The following PER1 variants were observed in gnomAD, a reference collection of about 807,000 sequenced individuals.
PER1 encodes the protein period circadian regulator 1.
In PER1, 87 loss-of-function variants were observed where a neutral mutation model predicts 125.9. The ratio of observed to expected loss-of-function variants is 0.69; its 90% CI spans 0.58 to 0.83. The LOEUF (loss-of-function observed/expected upper bound fraction) is 0.83, where lower values mean the gene tolerates loss of function less well. Among genes scored for constraint, PER1 ranks in the 40% least tolerant of loss-of-function variants. PER1 has a pLI of 0.00. For synonymous variants in PER1, 801 were observed against 714.7 expected, an observed-to-expected ratio of 1.12 and a Z score of -1.93; for missense variants, 1,775 against 1,722.8, an observed-to-expected ratio of 1.03 and a Z score of -0.54.
In PER1 at chr17:8,141,120, C is replaced by G; in HGVS notation, c.3821G>C (p.Gly1274Ala). 5 of 1,614,166 alleles carry G rather than the reference C, an allele frequency of 3.1e-6. No homozygotes were observed. Among genetic ancestry groups the G allele is most frequent in the Non-Finnish European group, 4.2e-6 (5 of 1,179,998 alleles). Reference protein sequence around the residue: ...QDLAMEEEEEGRSSSSPALPT... With the variant: ...QDLAMEEEEEARSSSSPALPT... ...TAAGGCTGGACTGGATGAGCTCCTG[C>G]CTTCTTCCTCCTCCTCCATAGCCAA... is the stretch of plus-strand genomic sequence containing the variant. The change falls in exon 23 of 23, where the codon GGC (glycine) becomes GCC (alanine). Residue 1274 changes from glycine (G) to alanine (A), a missense_variant. Transcript: ENST00000317276.
Position 8,149,973 on chromosome 17 carries a change from T to C in PER1, c.527A>G (p.Gln176Arg). 6.2e-7 allele frequency: 1 copy of C among 1,613,406 alleles called. No individual in the cohort carries two copies. Among genetic ancestry groups the C allele is most frequent in the Non-Finnish European group, 8.5e-7 (1 of 1,179,394 alleles). Residue 176 changes from glutamine to arginine, a missense_variant and splice_region_variant, in exon 4 of 23, where the codon CAG becomes CGG. By Grantham distance (43) the Gln-to-Arg change is conservative. Coordinates refer to ENST00000317276, the MANE Select transcript of PER1 (RefSeq NM_002616.3). ...CCCTCTTGGGACACACCACTTACCC[T>C]GCACCTGCTTGACACAGGCCAGTGC... ...QYALACVKQV[Q>R]ANQEYYQQWS...
rs1982517677 is a variant in PER1, at chr17:8,147,335, A to AC, written c.1543dup (p.Val515GlyfsTer15). On this transcript the variant is annotated frameshift_variant, in exon 13 of 23. Transcript: ENST00000317276. LOFTEE classifies it high-confidence loss of function. ...GCTGTGGAGAGGGCCTGGGGATGTC[A>AC]CGGCGCCGACTCCACAGAGTCCCGT... is the stretch of plus-strand genomic sequence containing the variant. 1 of 1,613,526 alleles carries AC rather than the reference A, an allele frequency of 6.2e-7. No individual in the cohort carries two copies. Among genetic ancestry groups the AC allele is most frequent in the Admixed American group, 1.7e-5 (1 of 59,986 alleles).
chr17:8,143,860 G>A lies in PER1; in HGVS notation c.2478C>T (p.Pro826=), dbSNP rs148963629. 1,272 of 1,610,398 alleles carry A rather than the reference G, an allele frequency of 7.9e-4. No homozygotes were observed. The highest frequency in any genetic ancestry group is 1.0e-3 in the Non-Finnish European group (1,198 of 1,178,988). The change falls in exon 19 of 23, where the codon CCC becomes CCT. Residue 826 remains proline, a synonymous_variant. Coordinates refer to ENST00000317276, the MANE Select transcript of PER1 (RefSeq NM_002616.3). ...ALGERGCHHG[P]APPSRRHHCR... The stretch of plus-strand genomic sequence containing the variant: ...AGTGGTGTCGGCGGCTTGGGGGTGC[G>A]GGGCCGTGGTGGCAGCCTGTGGGGA...
At position 8,143,486 on chromosome 17, in the gene PER1, G is replaced by A. The variant is rs899874404; in HGVS notation, c.2852C>T (p.Ser951Leu). 6.3e-6 allele frequency: 10 copies of A among 1,590,284 alleles called. No individual in the cohort carries two copies. The highest frequency in any genetic ancestry group is 4.0e-5 in the African/African-American group (3 of 74,576). Reference sequence around the variant, plus strand: ...GGGCAAGGATGGAGAAGGGGAGTGCGAGGCAGGAGTGGGAGGCCCTTCAGC... The same window carrying A: ...GGGCAAGGATGGAGAAGGGGAGTGCAAGGCAGGAGTGGGAGGCCCTTCAGC... ...TPAEGPPTPA[S>L]HSPSPSLPAL... is the part of the protein sequence containing the mutation. Residue 951 changes from serine to leucine, a missense_variant, in exon 19 of 23, where the codon TCG becomes TTG. By Grantham distance (145) the Ser-to-Leu change is moderately radical. Transcript: ENST00000317276.
rs760607110 is a variant in PER1 at position 8,142,369 on chromosome 17, GCTCAGCCCCGCCCCGAGCAGCCCCAGC to G, written c.3322_3348del (p.Ala1108_Glu1116del). The stretch of plus-strand genomic sequence containing the variant: ...ACGTACTTAATCACCTGGTCCCCAG[GCTCAGCCCCGCCCCGAGCAGCCCCAGC>G]CTCAGCCTCGGAAGAGTCGATGCTG... On this transcript the variant is annotated inframe_deletion, in exon 21 of 23. Coordinates refer to ENST00000317276, the MANE Select transcript of PER1 (RefSeq NM_002616.3). The G allele has an allele frequency of 1.9e-6, 3 of 1,613,680 alleles. No individual in the cohort carries two copies. The highest frequency in any genetic ancestry group is 1.7e-4 in the Middle Eastern group (1 of 6,048).
rs3027192 is a variant in PER1 at position 8,144,005 on chromosome 17, C to A, written c.2462-129G>T. The A allele has an allele frequency of 4.9e-5, 69 of 1,397,362 alleles. No individual in the cohort carries two copies. The African/African-American group carries it at 9.2e-4, about 19-fold the overall frequency. The allele number at this position is 1,397,362 out of a possible 1,614,324, so 86.6% of individuals were successfully genotyped here. On this transcript the variant is annotated intron_variant, in intron 18 of 22. Coordinates refer to ENST00000317276, the MANE Select transcript of PER1 (RefSeq NM_002616.3). ...CCCAGAGAGAGCTTCTCAACCCACA[C>A]AGAACGGGGGACTCAGGAGGTGGGG...
Position 8,141,002 on chromosome 17 carries a change from C to A in PER1, c.*66G>T. The A allele has an allele frequency of 6.5e-7, 1 of 1,529,186 alleles. No individual in the cohort carries two copies. Among genetic ancestry groups the A allele is most frequent in the South Asian group, 1.3e-5 (1 of 79,996 alleles). The allele number at this position is 1,529,186 out of a possible 1,614,324, so 94.7% of individuals were successfully genotyped here. A position where few individuals can be genotyped will look rare whatever the true frequency, so the allele number is the denominator to read the frequency against. On this transcript the variant is annotated 3_prime_UTR_variant, in exon 23 of 23. Coordinates refer to ENST00000317276, the MANE Select transcript of PER1 (RefSeq NM_002616.3). ...TGGTTGGTCTAGCCACATCTGAGTT[C>A]TGAGAATTGGGACATAGGAGAAGAA...
chr17:8,146,147 G>C lies in PER1; in HGVS notation c.2039-10C>G. On this transcript the variant is annotated splice_polypyrimidine_tract_variant and intron_variant, in intron 16 of 22. Coordinates refer to ENST00000317276, the MANE Select transcript of PER1 (RefSeq NM_002616.3). ...GCTGCTGACGGCGGATCTGTGCAGA[G>C]AGATGGTGCCAGTTACCATCCCCAC... 6.3e-7 allele frequency: 1 copy of C among 1,580,864 alleles called. No individual in the cohort carries two copies. Among genetic ancestry groups the C allele is most frequent in the South Asian group, 1.2e-5 (1 of 85,886 alleles).
At position 8,143,601 on chromosome 17, in the gene PER1, G is replaced by T. The variant is rs1323958914; in HGVS notation, c.2737C>A (p.Pro913Thr). The T allele has an allele frequency of 6.8e-7, 1 of 1,460,122 alleles. No homozygotes were observed. The highest frequency in any genetic ancestry group is 2.5e-5 in the East Asian group (1 of 39,902). 90.4% of individuals were successfully genotyped at this position (1,460,122 alleles called of 1,614,324 possible). The part of the protein sequence containing the change: ...TSVPPAAFPA[P>T]LVTPMVALVL... ...AAGGCCACCATTGGGGTCACCAAAG[G>T]GGCGGGGAAAGCAGCTGGGGGCACA... is the stretch of plus-strand genomic sequence containing the variant. Residue 913 changes from proline to threonine, a missense_variant, in exon 19 of 23, where the codon CCT (proline) becomes ACT (threonine). Transcript: ENST00000317276.
Position 8,149,194 on chromosome 17 carries a change from G to A in PER1, c.905+65C>T, listed in dbSNP as rs1311192784. ...ACAGAGTGAGACTCCCTTTCAAAAAGCAAAAACAAAAACAAAAACAAAAAA... is the reference window on the plus strand; with the variant it reads ...ACAGAGTGAGACTCCCTTTCAAAAAACAAAAACAAAAACAAAAACAAAAAA... On this transcript the variant is annotated intron_variant, in intron 7 of 22. Transcript: ENST00000317276. 25 of 1,414,850 alleles carry A rather than the reference G, an allele frequency of 1.8e-5. No individual in the cohort carries two copies. In the Admixed American group the frequency reaches 2.3e-4, roughly 13 times the overall value. 87.6% of individuals were successfully genotyped at this position (1,414,850 alleles called of 1,614,324 possible).
At position 8,145,991 on chromosome 17, in the gene PER1, C is replaced by A; in HGVS notation, c.2185G>T (p.Val729Phe). ...TSQCSFSSTI[V>F]HVGDKKPPES... Reference sequence around the variant, plus strand: ...GGGGGCTTCTTGTCTCCCACATGGACGATGGTGGAGCTGAAGCTACACTGA... The same window carrying A: ...GGGGGCTTCTTGTCTCCCACATGGAAGATGGTGGAGCTGAAGCTACACTGA... Residue 729 changes from valine (V) to phenylalanine (F), a missense_variant, in exon 17 of 23, where the codon GTC (valine) becomes TTC (phenylalanine). By Grantham distance (50) the Val-to-Phe change is conservative (BLOSUM62 -1). Transcript: ENST00000317276. 1 of 1,612,170 alleles carries A rather than the reference C, an allele frequency of 6.2e-7. No homozygotes were observed. Among genetic ancestry groups the A allele is most frequent in the Non-Finnish European group, 8.5e-7 (1 of 1,178,932 alleles).
chr17:8,141,875 T>C lies in PER1; in HGVS notation c.3530A>G (p.Gln1177Arg), dbSNP rs1450757057. The C allele has an allele frequency of 6.2e-7, 1 of 1,614,090 alleles. No individual in the cohort carries two copies. The highest frequency in any genetic ancestry group is 8.5e-7 in the Non-Finnish European group (1 of 1,180,054). Residue 1177 changes from glutamine to arginine, a missense_variant, in exon 22 of 23, where the codon CAG (glutamine) becomes CGG (arginine). Coordinates refer to ENST00000317276, the MANE Select transcript of PER1 (RefSeq NM_002616.3). ...QKQQPRFSEDQRRELGAVHSW... is the reference protein window; with the variant it reads ...QKQQPRFSEDRRRELGAVHSW... ...GTGCACAGCACCCAGTTCCCGCCGC[T>C]GGTCCTCAGAAAACCGAGGCTGCTG... is the stretch of plus-strand genomic sequence containing the variant.
At position 8,149,671 on chromosome 17, in the gene PER1, G is replaced by C. The variant is rs200976461; in HGVS notation, c.652-8C>G. ...AGCCACTGAGAAGGTATCCTGGCAG[G>C]AGGGGGAGAGCAAGAGCAGATTCAA... On this transcript the variant is annotated splice_polypyrimidine_tract_variant and splice_region_variant and intron_variant, in intron 5 of 22. Coordinates refer to ENST00000317276, the MANE Select transcript of PER1 (RefSeq NM_002616.3). The C allele has an allele frequency of 8.1e-6, 13 of 1,609,692 alleles. No individual in the cohort carries two copies. Among genetic ancestry groups the C allele is most frequent in the Admixed American group, 1.7e-5 (1 of 59,944 alleles).
chr17:8,141,614 G>A (rs776070053), intron 22 of PER1, among the ~76,000 whole-genome samples, 191 bp downstream of exon 22: 10 of 152,054 alleles, frequency 6.6e-5, no homozygotes, highest in South Asian at 2.1e-4. Context: ...ATAATCCACA[G>A]CAAATTTAGT....
Position 8,150,336 on chromosome 17 carries a change from C to A in PER1, c.276-19G>T, listed in dbSNP as rs113135861. 1,740 of 1,546,826 alleles carry A rather than the reference C, an allele frequency of 1.1e-3. 3 individuals are homozygous for A. Among genetic ancestry groups the A allele is most frequent in the Non-Finnish European group, 1.5e-3 (1,695 of 1,144,640 alleles). ...GTTTGTGCTAGGAGACAGCAACAGG[C>A]CCAGTTACAGGTAGGGCCAGCAGTG... On this transcript the variant is annotated intron_variant, in intron 2 of 22. Coordinates refer to ENST00000317276, the MANE Select transcript of PER1 (RefSeq NM_002616.3).
intron 20 of PER1, 68 bp downstream of exon 20, chr17:8,142,581 C>G: frequency 1.3e-6 from 2 of 1,583,810 alleles, no homozygotes; most frequent in Non-Finnish European, 1.7e-6. Flanking sequence ...TCCGCCAAGA[C>G]GGGGCCTGGG....
At chr17:8,145,414 C>A (rs189690989) in intron 17 of PER1, among the ~76,000 whole-genome samples, 40 of 151,920 alleles carry the variant, frequency 2.6e-4, no homozygotes, top group African/African-American at 8.9e-4. Flanking sequence ...ACCACCACCC[C>A]CTGGGTTCAA....
chr17:8,150,548 A>G lies in PER1; in HGVS notation c.159T>C (p.Ser53=), dbSNP rs1456412261. 1 of 1,613,990 alleles carries G rather than the reference A, an allele frequency of 6.2e-7. No homozygotes were observed. The change falls in exon 2 of 23, where the codon AGT becomes AGC. Residue 53 remains serine, a synonymous_variant. Transcript: ENST00000317276. ...DDTDANSNGS[S]GNESNGHESR... Reference sequence around the variant, plus strand: ...ACTCATGCCCGTTGGACTCATTGCCACTTGAACCATTGCTGTTGGCATCGG... The same window carrying G: ...ACTCATGCCCGTTGGACTCATTGCCGCTTGAACCATTGCTGTTGGCATCGG...
In PER1 at chr17:8,147,352, G is replaced by A; in HGVS notation, c.1527C>T (p.Leu509=). ...GGGATGTCACGGCGCCGACTCCACA[G>A]AGTCCCGTGGGGCTGGGGCTGTGGA... The part of the protein sequence containing the change: ...QPVHSPSPTG[L]CGVGAVTSPG... Residue 509 remains leucine, a synonymous_variant, in exon 13 of 23, where the codon CTC becomes CTT. Coordinates refer to ENST00000317276, the MANE Select transcript of PER1 (RefSeq NM_002616.3). 1 of 1,613,770 alleles carries A rather than the reference G, an allele frequency of 6.2e-7. No individual in the cohort carries two copies. Among genetic ancestry groups the A allele is most frequent in the Non-Finnish European group, 8.5e-7 (1 of 1,179,964 alleles).
Sources: gnomAD v4.1 joint callset for allele counts (sites outside exome capture counted in the v4.1 genomes callset) on GRCh38, gnomAD v4.1.1 for gene constraint, MANE v1.5 for transcripts, NCBI Gene and HGNC (gene_info 2026-07-23, HGNC 2026-07-21) for gene names.